COL4A3: variants seen among roughly 807,000 people sequenced by gnomAD.
COL4A3 encodes collagen alpha-3(IV) chain.
A neutral mutation model predicts 217.4 loss-of-function variants in COL4A3; 135 were observed. The observed-to-expected ratio is 0.62, with a 90% CI of 0.54 to 0.72. The LOEUF (loss-of-function observed/expected upper bound fraction) is 0.72. COL4A3 is among the 30% of genes least tolerant of loss of function. The probability of loss-of-function intolerance (pLI) is 0.00; values close to 1 mark genes in which losing one functional copy is unlikely to be tolerated. For missense variants in COL4A3, 1,868 were observed against 2,119.9 expected, an observed-to-expected ratio of 0.88 and a Z score of 2.33; for synonymous variants, 690 against 736.3, an observed-to-expected ratio of 0.94 and a Z score of 1.02.
At chr2:227,219,018 A>T (rs2067646307) in intron 1 of COL4A3, among the ~76,000 whole-genome samples, 1 of 150,736 alleles carries the variant, frequency 6.6e-6, no homozygotes, top group Admixed American at 6.6e-5. Flanking sequence ...TTTTTTAGAC[A>T]GAGTCTCGCT....
Position 227,276,345 on chromosome 2 carries a change from CAATA to C in COL4A3, c.1928-39_1928-36del, listed in dbSNP as rs2071561041. The C allele has an allele frequency of 1.4e-6, 2 of 1,407,196 alleles. 1 individual carries two copies. Among genetic ancestry groups the C allele is most frequent in the South Asian group, 2.3e-5 (2 of 86,814 alleles). The allele number at this position is 1,407,196 out of a possible 1,614,324, so 87.2% of individuals were successfully genotyped here. ...TTCCGCTATCGTCTAAGACAAGCTT[CAATA>C]TATACCCCAATCTTATGACCACAAA... On this transcript the variant is annotated intron_variant, in intron 26 of 51. Transcript: ENST00000396578.
intron 3 of COL4A3, 54 bp from the exon 4 acceptor site, chr2:227,244,266 T>C: frequency 1.3e-6 from 2 of 1,516,054 alleles, no homozygotes; most frequent in Non-Finnish European, 1.8e-6. Context: ...ATGGGTTTCT[T>C]AGTGCCAAAT....
chr2:227,290,747 G>T lies in COL4A3; in HGVS notation c.3071G>T (p.Gly1024Val), dbSNP rs1219734287. The T allele has an allele frequency of 1.2e-6, 2 of 1,612,944 alleles. No individual in the cohort carries two copies. The highest frequency in any genetic ancestry group is 1.3e-5 in the African/African-American group (1 of 74,942). ...CTCTATGTTTTCCCCCTAATTTCAGGTTCTAAAGGAAAAAGGGGAACTTTG... is the reference window on the plus strand; with the variant it reads ...CTCTATGTTTTCCCCCTAATTTCAGTTTCTAAAGGAAAAAGGGGAACTTTG... ...PGSMGNMGMP[G>V]SKGKRGTLGF... Residue 1024 changes from glycine to valine, a missense_variant and splice_region_variant, in exon 37 of 52, where the codon GGT becomes GTT. Physicochemically the swap from Gly to Val is moderately radical, Grantham distance 109. Transcript: ENST00000396578.
At chr2:227,251,443 C>T in intron 11 of COL4A3, 72 bp downstream of exon 11, 2 of 1,441,384 alleles carry the variant, frequency 1.4e-6, no homozygotes, top group African/African-American at 1.4e-5. Flanking sequence ...TGGTCTGCTT[C>T]TTCATGTGGG....
chr2:227,270,281 C>T (rs576051217), intron 24 of COL4A3, among the ~76,000 whole-genome samples: 4 of 152,172 alleles, frequency 2.6e-5, no homozygotes, highest in African/African-American at 7.2e-5. Flanking sequence ...GATGTTTGAA[C>T]GTGATTGTGG....
chr2:227,228,218 G>A (rs1435856648), intron 1 of COL4A3, among the ~76,000 whole-genome samples: 4 of 152,210 alleles, frequency 2.6e-5, no homozygotes, highest in African/African-American at 9.6e-5. Flanking sequence ...GCTTCAGGGC[G>A]GGGCAGGCGG....
Position 227,311,931 on chromosome 2 carries a change from A to G in COL4A3, c.*61A>G, listed in dbSNP as rs2073757817. 6.2e-7 allele frequency: 1 copy of G among 1,603,634 alleles called. No individual in the cohort carries two copies. The highest frequency in any genetic ancestry group is 1.3e-5 in the African/African-American group (1 of 74,774). ...CTAAAGAACAAAGTAATGACAGAAC[A>G]TGCTGTTATTTAGGTATTTTTCTTT... On this transcript the variant is annotated 3_prime_UTR_variant, in exon 52 of 52. Coordinates refer to ENST00000396578, the MANE Select transcript of COL4A3 (RefSeq NM_000091.5).
intron 1 of COL4A3, among the ~76,000 whole-genome samples, chr2:227,200,622 T>C (rs1037726716): frequency 2.0e-5 from 3 of 152,344 alleles, no homozygotes; most frequent in South Asian, 2.1e-4. Context: ...AAGCCATTCA[T>C]AGCTGACTCT....
intron 26 of COL4A3, among the ~76,000 whole-genome samples, chr2:227,274,795 G>A (rs182663323): frequency 3.1e-4 from 47 of 152,260 alleles, no homozygotes; most frequent in Admixed American, 2.9e-3. Flanking sequence ...CACCATGCCT[G>A]GCCGAAGGAG....
At chr2:227,201,645 C>A (rs1312384860) in intron 1 of COL4A3, among the ~76,000 whole-genome samples, 2 of 152,138 alleles carry the variant, frequency 1.3e-5, no homozygotes, top group Non-Finnish European at 2.9e-5. Flanking sequence ...CTGAGAAATA[C>A]CTGATGTCAC....
At chr2:227,265,996 T>C (rs1217626770) in intron 21 of COL4A3, 32 of 195,818 alleles carry the variant, frequency 1.6e-4, no homozygotes, top group Non-Finnish European at 1.3e-4. Flanking sequence ...ACTCATTCAC[T>C]ATTACAAGAA....
At chr2:227,256,621 G>T in intron 17 of COL4A3, 2 of 714,898 alleles carry the variant, frequency 2.8e-6, no homozygotes, top group Middle Eastern at 7.6e-4. Flanking sequence ...ACTTGAAGCT[G>T]TCTGACTTAG....
At chr2:227,183,658 G>A (rs2065926754) in intron 1 of COL4A3, among the ~76,000 whole-genome samples, 1 of 152,144 alleles carries the variant, frequency 6.6e-6, no homozygotes, top group Non-Finnish European at 1.5e-5. Context: ...GGAAGCCATG[G>A]ACACCAGAAA....
intron 1 of COL4A3, among the ~76,000 whole-genome samples, chr2:227,195,663 A>ATG (rs1367563699): frequency 0.011 from 874 of 79,700 alleles, 24 homozygotes; most frequent in Admixed American, 0.082. Context: ...ACATATATAT[A>ATG]TATATGTGTG....
At position 227,295,074 on chromosome 2, in the gene COL4A3, T is replaced by C; in HGVS notation, c.3517+12T>C. 1 of 1,609,012 alleles carries C rather than the reference T, an allele frequency of 6.2e-7. No individual in the cohort carries two copies. On this transcript the variant is annotated intron_variant, in intron 40 of 51. Transcript: ENST00000396578. Reference sequence around the variant, plus strand: ...AAAGGGAGAAACGGGTACAACTTGCTCATTATCTTTGATCCGTTAGTTTTA... The same window carrying C: ...AAAGGGAGAAACGGGTACAACTTGCCCATTATCTTTGATCCGTTAGTTTTA...
At chr2:227,244,518 G>C (rs1298095669) in intron 4 of COL4A3, among the ~76,000 whole-genome samples, 154 bp downstream of exon 4, 1 of 152,172 alleles carries the variant, frequency 6.6e-6, no homozygotes, top group African/African-American at 2.4e-5. Context: ...TGTCAAAGGA[G>C]TGGTTACCAC....
intron 8 of COL4A3, 31 bp from the exon 9 acceptor site, chr2:227,248,412 A>T: frequency 1.5e-6 from 2 of 1,320,814 alleles, no homozygotes; most frequent in Non-Finnish European, 2.2e-6. Context: ...TATAACATTG[A>T]TGATGTTTGA....
intron 1 of COL4A3, among the ~76,000 whole-genome samples, chr2:227,174,257 A>T (rs1429235531): frequency 6.6e-6 from 1 of 152,206 alleles, no homozygotes; most frequent in East Asian, 1.9e-4. Flanking sequence ...TGGAAAAAGG[A>T]ATGGGGCAAG....
intron 7 of COL4A3, 68 bp downstream of exon 7, chr2:227,246,806 G>A: frequency 7.7e-7 from 1 of 1,297,600 alleles, no homozygotes; most frequent in Non-Finnish European, 1.1e-6. Flanking sequence ...ACTCCATATG[G>A]CCATATACAC....
Sources: allele counts gnomAD v4.1 joint callset (sites outside exome capture counted in the v4.1 genomes callset), GRCh38; gene constraint gnomAD v4.1.1; transcripts MANE v1.5; gene names NCBI Gene and HGNC (gene_info 2026-07-23, HGNC 2026-07-21).